ROBO1: variants seen among roughly 807,000 people sequenced by gnomAD.
The protein encoded by ROBO1 is roundabout guidance receptor 1.
ROBO1 carries 149 observed loss-of-function variants against 195.9 expected under a neutral mutation model. That is an observed-to-expected ratio of 0.76 (90% CI 0.67 to 0.87). The LOEUF is 0.87. Among genes scored for constraint, ROBO1 ranks in the 40% least tolerant of loss-of-function variants. ROBO1 has a pLI of 0.00. For synonymous variants in ROBO1, 816 were observed against 733.2 expected (o/e 1.11, Z -1.82); for missense variants, 1,933 against 2,068.3 (o/e 0.93, Z 1.27).
chr3:79,495,794 C>A (rs1939698056), intron 2 of ROBO1, among the ~76,000 whole-genome samples: 1 of 151,970 alleles, frequency 6.6e-6, no homozygotes, highest in African/African-American at 2.4e-5. Flanking sequence ...TCAATATATT[C>A]TTCTAATTTT....
At chr3:79,677,311 T>G (rs1259280416) in intron 1 of ROBO1, among the ~76,000 whole-genome samples, 1 of 152,004 alleles carries the variant, frequency 6.6e-6, no homozygotes, top group Non-Finnish European at 1.5e-5. Flanking sequence ...TTCATGCTGC[T>G]GATAAAGAGA....
intron 2 of ROBO1, among the ~76,000 whole-genome samples, chr3:79,332,192 T>C (rs1243599593): frequency 1.4e-5 from 2 of 146,314 alleles, no homozygotes; most frequent in South Asian, 2.2e-4. Context: ...GAGAACATTA[T>C]TGATGACCTA....
At chr3:79,105,264 GA>G (rs1454434263) in intron 3 of ROBO1, among the ~76,000 whole-genome samples, 1 of 151,688 alleles carries the variant, frequency 6.6e-6, no homozygotes, top group Admixed American at 6.6e-5. Context: ...AGAATCAACA[GA>G]AAAAGAACCA....
At chr3:78,951,309 G>A (rs745585896) in intron 3 of ROBO1, among the ~76,000 whole-genome samples, 30 of 151,456 alleles carry the variant, frequency 2.0e-4, no homozygotes, top group Admixed American at 3.3e-4. Context: ...TATAATATTC[G>A]ACTCATTATT....
chr3:79,521,772 G>A (rs1343897651), intron 2 of ROBO1, among the ~76,000 whole-genome samples: 4 of 151,984 alleles, frequency 2.6e-5, no homozygotes, highest in African/African-American at 9.7e-5. Context: ...TGTGAACCCC[G>A]AGACTTGTCC....
chr3:78,883,026 C>A (rs138534127), intron 4 of ROBO1, among the ~76,000 whole-genome samples: 1 of 151,520 alleles, frequency 6.6e-6, no homozygotes, highest in Non-Finnish European at 1.5e-5. Flanking sequence ...TTGGCCAGGC[C>A]GGTCTTGAAC....
At chr3:78,663,514 C>T (rs1288489291) in intron 14 of ROBO1, among the ~76,000 whole-genome samples, 1 of 152,130 alleles carries the variant, frequency 6.6e-6, no homozygotes, top group Non-Finnish European at 1.5e-5. Context: ...CAAGCTGTCA[C>T]CCATCTCTAG....
chr3:79,575,051 C>A lies in ROBO1; in HGVS notation c.88+14773G>T, dbSNP rs574687304. ...TGATTTTCAAATATTTTTTTGCAATCAGCATACATTTTCTGTCTTTGTGTT... is the reference window on the plus strand; with the variant it reads ...TGATTTTCAAATATTTTTTTGCAATAAGCATACATTTTCTGTCTTTGTGTT... On this transcript the variant is annotated intron_variant, in intron 2 of 30. Coordinates refer to ENST00000464233, the MANE Select transcript of ROBO1 (RefSeq NM_002941.4). Among the ~76,000 whole-genome samples the A allele has an allele frequency of 6.8e-5, 10 of 146,818 alleles. No individual in the cohort carries two copies. In the East Asian group the frequency reaches 2.0e-3, roughly 29 times the overall value.
At chr3:78,803,434 A>G (rs370498296) in intron 4 of ROBO1, among the ~76,000 whole-genome samples, 1 of 152,188 alleles carries the variant, frequency 6.6e-6, no homozygotes, top group Non-Finnish European at 1.5e-5. Flanking sequence ...ATAGAGAACA[A>G]TATCATGAAA....
intron 2 of ROBO1, among the ~76,000 whole-genome samples, chr3:79,141,440 T>C (rs7631406): frequency 0.72 from 109,303 of 152,068 alleles, 39,351 homozygotes; most frequent in East Asian, 0.79. Flanking sequence ...TTCAGGTTTT[T>C]TAAAGGTCAC....
intron 1 of ROBO1, among the ~76,000 whole-genome samples, chr3:79,752,740 G>A (rs977668771): frequency 1.3e-5 from 2 of 152,042 alleles, no homozygotes; most frequent in Non-Finnish European, 2.9e-5. Flanking sequence ...AAATAGGTAG[G>A]GAGTCCGCTA....
At chr3:78,801,743 G>T (rs746172965) in intron 4 of ROBO1, among the ~76,000 whole-genome samples, 2 of 151,928 alleles carry the variant, frequency 1.3e-5, no homozygotes, top group African/African-American at 2.4e-5. Context: ...ATTTTCATAC[G>T]ATTATAACAA....
chr3:78,626,818 A>G (rs1046874821), intron 26 of ROBO1, among the ~76,000 whole-genome samples: 1 of 152,034 alleles, frequency 6.6e-6, no homozygotes, highest in South Asian at 2.1e-4. Context: ...CTCAAAACTC[A>G]TATCTAAATC....
intron 30 of ROBO1, among the ~76,000 whole-genome samples, chr3:78,599,146 C>T (rs1396580306): frequency 3.9e-5 from 6 of 152,084 alleles, no homozygotes; most frequent in Admixed American, 6.6e-5. Context: ...CACAGTGCCC[C>T]GGTGTTGCGT....
intron 3 of ROBO1, among the ~76,000 whole-genome samples, chr3:78,997,337 G>A (rs2077392185): frequency 1.3e-5 from 2 of 152,032 alleles, no homozygotes; most frequent in African/African-American, 4.8e-5. Flanking sequence ...TAGCATATAG[G>A]TTCCATGAGA....
At chr3:79,202,559 G>T (rs147352062) in intron 2 of ROBO1, among the ~76,000 whole-genome samples, 1,721 of 142,296 alleles carry the variant, frequency 0.012, 12 homozygotes, top group Non-Finnish European at 0.02. Context: ...ATGGAGTTGA[G>T]ATCAACTATG....
chr3:79,149,738 C>CT (rs2080727774), intron 2 of ROBO1, among the ~76,000 whole-genome samples: 2 of 151,638 alleles, frequency 1.3e-5, no homozygotes, highest in Admixed American at 1.3e-4. Flanking sequence ...GCTTCTTAAT[C>CT]TTTTTAATTT....
intron 2 of ROBO1, among the ~76,000 whole-genome samples, chr3:79,315,349 G>A (rs1374093828): frequency 2.6e-5 from 4 of 152,178 alleles, no homozygotes; most frequent in African/African-American, 9.6e-5. Context: ...AGGATATATT[G>A]AGCTGTAAGA....
chr3:79,324,829 G>A lies in ROBO1; in HGVS notation c.89-199290C>T, dbSNP rs544099833. Among the ~76,000 whole-genome samples the A allele has an allele frequency of 3.3e-4, 51 of 152,292 alleles. 1 individual carries two copies. In the South Asian group the frequency reaches 8.7e-3, roughly 26 times the overall value. On this transcript the variant is annotated intron_variant, in intron 2 of 30. Coordinates refer to ENST00000464233, the MANE Select transcript of ROBO1 (RefSeq NM_002941.4). ...ACATGGTTTAAACAAAGAGTTTTAC[G>A]TTCTGATGTATGCTTTAGGAAAAGA...
Sources: allele counts gnomAD v4.1 joint callset (sites outside exome capture counted in the v4.1 genomes callset), GRCh38; gene constraint gnomAD v4.1.1; transcripts MANE v1.5; gene names NCBI Gene and HGNC (gene_info 2026-07-23, HGNC 2026-07-21).